The following ST18 variants were observed in gnomAD, a reference collection of about 807,000 sequenced individuals.
ST18 encodes suppression of tumorigenicity 18 protein.
In ST18, 50 loss-of-function variants were observed where a neutral mutation model predicts 110.0. The observed-to-expected ratio is 0.45, with a 90% CI of 0.36 to 0.58. The LOEUF (loss-of-function observed/expected upper bound fraction) is 0.58. Ranked by LOEUF, ST18 falls within the 20% of genes least tolerant of loss-of-function variation. The pLI is 0.00. For synonymous variants in ST18, 461 were observed against 452.4 expected, an observed-to-expected ratio of 1.02 and a Z score of -0.24; for missense variants, 1,306 against 1,280.1, an observed-to-expected ratio of 1.02 and a Z score of -0.31.
At chr8:52,144,555 T>C (rs1373328772) in intron 16 of ST18, among the ~76,000 whole-genome samples, 3 of 152,158 alleles carry the variant, frequency 2.0e-5, no homozygotes, top group African/African-American at 7.2e-5. Context: ...CATACTGTAG[T>C]AAATACATTG....
chr8:52,362,315 G>A (rs1483305608), intron 2 of ST18, among the ~76,000 whole-genome samples: 1 of 152,140 alleles, frequency 6.6e-6, no homozygotes, highest in African/African-American at 2.4e-5. Flanking sequence ...GGCTCATTTA[G>A]CAATTTTGCC....
chr8:52,282,716 C>T (rs977310209), intron 2 of ST18, among the ~76,000 whole-genome samples: 4 of 152,054 alleles, frequency 2.6e-5, no homozygotes, highest in Admixed American at 6.5e-5. Flanking sequence ...GCTGCAGTGC[C>T]GCTGGGGTGA....
At chr8:52,278,199 A>G (rs2095310661) in intron 2 of ST18, among the ~76,000 whole-genome samples, 1 of 152,186 alleles carries the variant, frequency 6.6e-6, no homozygotes, top group Non-Finnish European at 1.5e-5. Context: ...TAGGCCAGGA[A>G]TGATCATAAT....
intron 9 of ST18, among the ~76,000 whole-genome samples, chr8:52,174,679 A>G (rs1166654080): frequency 1.3e-5 from 2 of 152,178 alleles, no homozygotes; most frequent in East Asian, 1.9e-4. Context: ...TCCAGTTTAC[A>G]TAATTGTTTG....
In ST18 at chr8:52,137,434, C is replaced by T. The variant is rs766851307; in HGVS notation, c.2218G>A (p.Ala740Thr). Residue 740 changes from alanine (A) to threonine (T), a missense_variant, in exon 18 of 26, where the codon GCA becomes ACA. Ala to Thr is a moderately conservative substitution (Grantham distance 58, BLOSUM62 0). Transcript: ENST00000689386. ...GTCATTGGGTACCTGCGATGAGATG[C>T]ATAGTTTCCTGTCACGTGGCCACTT... ...DGSGHVTGNY[A>T]SHRSVSGCPL... 1.9e-6 allele frequency: 3 copies of T among 1,614,088 alleles called. No homozygotes were observed. Among genetic ancestry groups the T allele is most frequent in the Non-Finnish European group, 2.5e-6 (3 of 1,180,010 alleles).
At chr8:52,128,612 G>A (rs935151545) in intron 22 of ST18, among the ~76,000 whole-genome samples, 1 of 152,072 alleles carries the variant, frequency 6.6e-6, no homozygotes, top group Non-Finnish European at 1.5e-5. Flanking sequence ...GTTCTTAAAC[G>A]TCCTACAAAG....
chr8:52,128,351 C>T (rs2131332118), intron 22 of ST18, among the ~76,000 whole-genome samples: 1 of 152,232 alleles, frequency 6.6e-6, no homozygotes, highest in African/African-American at 2.4e-5. Flanking sequence ...TAATTGCTTA[C>T]AATATATTAT....
chr8:52,364,678 T>A (rs1040715036), intron 2 of ST18, among the ~76,000 whole-genome samples: 1 of 152,216 alleles, frequency 6.6e-6, no homozygotes, highest in African/African-American at 2.4e-5. Context: ...GCAAGTTTAA[T>A]CATCTTTTCT....
At chr8:52,168,395 C>T (rs1368854021) in intron 10 of ST18, among the ~76,000 whole-genome samples, 3 of 151,862 alleles carry the variant, frequency 2.0e-5, no homozygotes, top group Admixed American at 6.6e-5. Flanking sequence ...TCACGGGATG[C>T]GACAGACATT....
intron 8 of ST18, among the ~76,000 whole-genome samples, chr8:52,184,806 T>C (rs908951291): frequency 1.8e-4 from 27 of 152,254 alleles, no homozygotes; most frequent in African/African-American, 5.5e-4. Flanking sequence ...TAAACAGAGA[T>C]TGTGAACCTC....
intron 10 of ST18, among the ~76,000 whole-genome samples, chr8:52,170,457 AATAAATAAAT>A (rs2064481753): frequency 9.2e-6 from 1 of 108,626 alleles, no homozygotes; most frequent in African/African-American, 4.0e-5. Context: ...AAAATCAATA[AATAAATAAAT>A]AAATAAATAA....
rs1828289647 is a variant in ST18, at chr8:52,367,119, C to T, written c.-465+42209G>A. Among the ~76,000 whole-genome samples the T allele has an allele frequency of 2.0e-5, 3 of 152,108 alleles. No homozygotes were observed. The South Asian group carries it at 6.2e-4, about 32-fold the overall frequency. On this transcript the variant is annotated intron_variant, in intron 2 of 25. Transcript: ENST00000689386. ...TGGTGGTGCATGCCGGTAATCCCAG[C>T]AGCTCGGGAGGCTGAGGCACCAGAA... is the stretch of plus-strand genomic sequence containing the variant.
chr8:52,177,095 C>T (rs1166554491), intron 9 of ST18, among the ~76,000 whole-genome samples: 11 of 152,186 alleles, frequency 7.2e-5, no homozygotes, highest in Admixed American at 7.2e-4. Flanking sequence ...GACCCCACAC[C>T]TGGGCTTGGT....
intron 10 of ST18, 39 bp from the exon 11 acceptor site, chr8:52,167,025 C>T: frequency 6.3e-7 from 1 of 1,575,876 alleles, no homozygotes; most frequent in East Asian, 2.3e-5. Flanking sequence ...TTTGGTTATT[C>T]TTGCTTTTCT....
intron 8 of ST18, among the ~76,000 whole-genome samples, chr8:52,197,840 G>A (rs17311489): frequency 0.032 from 4,789 of 151,734 alleles, 105 homozygotes; most frequent in Middle Eastern, 0.068. Flanking sequence ...GGGCAGACAC[G>A]AGAATAGAAG....
chr8:52,335,113 C>A (rs1181752527), intron 2 of ST18, among the ~76,000 whole-genome samples: 2 of 152,008 alleles, frequency 1.3e-5, no homozygotes, highest in African/African-American at 4.8e-5. Flanking sequence ...TTTTTCCCAC[C>A]AGGCAATAGA....
At chr8:52,333,142 T>C (rs1382370206) in intron 2 of ST18, among the ~76,000 whole-genome samples, 1 of 146,270 alleles carries the variant, frequency 6.8e-6, no homozygotes, top group Non-Finnish European at 1.5e-5. Flanking sequence ...CTTTGAGCCA[T>C]TGATGAGCTC....
chr8:52,356,310 T>A (rs1283333690), intron 2 of ST18, among the ~76,000 whole-genome samples: 2 of 152,194 alleles, frequency 1.3e-5, no homozygotes, highest in Non-Finnish European at 1.5e-5. Context: ...TTTCTTTTTC[T>A]TTTTTTAGCC....
chr8:52,167,539 C>T (rs73679146), intron 10 of ST18, among the ~76,000 whole-genome samples: 1,807 of 152,330 alleles, frequency 0.012, 28 homozygotes, highest in African/African-American at 0.039. Flanking sequence ...TGGCTTGTGT[C>T]CTGTCTGTCC....
Sources: gnomAD v4.1 joint callset for allele counts (sites outside exome capture counted in the v4.1 genomes callset) on GRCh38, gnomAD v4.1.1 for gene constraint, MANE v1.5 for transcripts, NCBI Gene and HGNC (gene_info 2026-07-23, HGNC 2026-07-21) for gene names.